PPHLN1: variants seen among roughly 807,000 people sequenced by gnomAD.
PPHLN1 encodes the protein periphilin 1.
Under a neutral mutation model 51.3 loss-of-function variants are expected in PPHLN1, and 29 were observed. That is an observed-to-expected ratio of 0.57 (90% CI 0.42 to 0.77). The LOEUF (loss-of-function observed/expected upper bound fraction) is 0.77, where lower values mean the gene tolerates loss of function less well. PPHLN1 is among the 30% of genes least tolerant of loss of function. PPHLN1 has a pLI of 0.00. For synonymous variants in PPHLN1, 147 were observed against 147.8 expected (o/e 0.99, Z 0.04); for missense variants, 436 against 438.4 (o/e 0.99, Z 0.05).
At chr12:42,439,788 G>A (rs1274724157) in intron 9 of PPHLN1, among the ~76,000 whole-genome samples, 2 of 152,210 alleles carry the variant, frequency 1.3e-5, no homozygotes, top group Non-Finnish European at 2.9e-5. Flanking sequence ...GCCTCCCAAA[G>A]TGCTGGGATT....
At chr12:42,397,552 CCTATGTCTTAGTTTTACATAT>C in intron 8 of PPHLN1, among the ~76,000 whole-genome samples, 2 of 129,506 alleles carry the variant, frequency 1.5e-5, no homozygotes, top group Non-Finnish European at 3.4e-5. Context: ...TGTGTATAGG[CCTATGTCTTAGTTTTACATAT>C]TGTGTATAGG....
chr12:42,444,889 C>G (rs566533745), downstream of PPHLN1: 1 of 579,470 alleles, frequency 1.7e-6, no homozygotes, highest in Non-Finnish European at 3.0e-6. Context: ...AATGGAAAAG[C>G]GGCTATCTGG....
chr12:42,413,643 C>A lies in PPHLN1; in HGVS notation c.909+14649C>A, dbSNP rs991993887. ...GTGGCGCCATCTCGGCTCACTGCAA[C>A]CTCCACCTCCTGGGTTTAAGTGATT... On this transcript the variant is annotated intron_variant, in intron 9 of 9. Coordinates refer to ENST00000358314, the MANE Select transcript of PPHLN1 (RefSeq NM_201439.2). Among the ~76,000 whole-genome samples the A allele has an allele frequency of 1.5e-4, 22 of 150,980 alleles. 1 individual carries two copies. Among genetic ancestry groups the A allele is most frequent in the Admixed American group, 1.4e-3 (21 of 15,134 alleles).
intron 4 of PPHLN1, among the ~76,000 whole-genome samples, chr12:42,372,177 C>G (rs998912988): frequency 5.9e-5 from 9 of 152,198 alleles, no homozygotes; most frequent in African/African-American, 2.2e-4. Flanking sequence ...ACCACTTTAT[C>G]AAAAAGGATA....
At position 42,383,983 on chromosome 12, in the gene PPHLN1, C is replaced by CAAAAAA. The variant is rs61016692; in HGVS notation, c.512-934_512-929dup. Among the ~76,000 whole-genome samples the CAAAAAA allele has an allele frequency of 8.1e-4, 42 of 51,646 alleles. 1 individual carries two copies. Among genetic ancestry groups the CAAAAAA allele is most frequent in the South Asian group, 2.4e-3 (2 of 846 alleles). 33.9% of individuals were successfully genotyped at this position (51,646 alleles called of 152,430 possible). On this transcript the variant is annotated intron_variant, in intron 5 of 9. Coordinates refer to ENST00000358314, the MANE Select transcript of PPHLN1 (RefSeq NM_201439.2). ...TGGGCAACAGAGTGAGACTGTGTCTCAAAAAAAAAAAAAAAAAAAAAAAAA... is the reference window on the plus strand; with the variant it reads ...TGGGCAACAGAGTGAGACTGTGTCTCAAAAAAAAAAAAAAAAAAAAAAAAAAAAAAA...
chr12:42,426,172 C>CCACACACACACACACACA (rs71084653), intron 9 of PPHLN1, among the ~76,000 whole-genome samples: 62 of 122,184 alleles, frequency 5.1e-4, no homozygotes, highest in Middle Eastern at 3.9e-3. Flanking sequence ...AGACTTGACA[C>CCACACACACACACACACA]CACACACACA....
chr12:42,417,688 G>A (rs2139631997), intron 9 of PPHLN1, among the ~76,000 whole-genome samples: 1 of 149,408 alleles, frequency 6.7e-6, no homozygotes, highest in African/African-American at 2.5e-5. Context: ...CCCTGATAAG[G>A]TGGTGAAGAT....
In PPHLN1 at chr12:42,397,543, GTGTATAGGCCTATGTCTTAGTTTTACATA is replaced by G. The variant is rs1565933262; in HGVS notation, c.769-1309_769-1281del. 2.9e-3 allele frequency among the ~76,000 whole-genome samples: 376 copies of G among 130,064 alleles called. 13 individuals carry two copies. In the East Asian group the frequency reaches 0.067, roughly 23 times the overall value. 85.3% of individuals were successfully genotyped at this position (130,064 alleles called of 152,430 possible). On this transcript the variant is annotated intron_variant, in intron 8 of 9. Coordinates refer to ENST00000358314, the MANE Select transcript of PPHLN1 (RefSeq NM_201439.2). Reference sequence around the variant, plus strand: ...TTCTTTGCTCACCAGTTTACACATTGTGTATAGGCCTATGTCTTAGTTTTACATATTGTGTATAGGCCTATGTCTTAGTT... The same window carrying G: ...TTCTTTGCTCACCAGTTTACACATTGTTGTGTATAGGCCTATGTCTTAGTT...
At chr12:42,383,665 C>G (rs902329596) in intron 5 of PPHLN1, among the ~76,000 whole-genome samples, 2 of 152,044 alleles carry the variant, frequency 1.3e-5, no homozygotes, top group Non-Finnish European at 2.9e-5. Flanking sequence ...CATCATGAGG[C>G]TCTGAGCAAT....
chr12:42,422,407 T>G (rs76925038), intron 9 of PPHLN1, among the ~76,000 whole-genome samples: 1 of 152,224 alleles, frequency 6.6e-6, no homozygotes, highest in Non-Finnish European at 1.5e-5. Context: ...CACATGGTAA[T>G]TTTCCATGAA....
intron 4 of PPHLN1, among the ~76,000 whole-genome samples, chr12:42,368,531 G>A (rs963436493): frequency 6.6e-6 from 1 of 152,072 alleles, no homozygotes; most frequent in Non-Finnish European, 1.5e-5. Flanking sequence ...ATTATAATAA[G>A]GTCAAAAGGC....
intron 6 of PPHLN1, among the ~76,000 whole-genome samples, chr12:42,386,234 A>G (rs1864960163): frequency 6.6e-6 from 1 of 152,204 alleles, no homozygotes; most frequent in African/African-American, 2.4e-5. Context: ...TCTACTAAAT[A>G]TATGCCAGTA....
intron 2 of PPHLN1, among the ~76,000 whole-genome samples, chr12:42,350,912 G>A (rs1199707098): frequency 6.6e-5 from 10 of 151,998 alleles, no homozygotes; most frequent in Admixed American, 4.6e-4. Flanking sequence ...CCGAGATCGC[G>A]GCAGTACAGT....
At chr12:42,392,122 T>C (rs111371609) in intron 7 of PPHLN1, among the ~76,000 whole-genome samples, 5,201 of 152,152 alleles carry the variant, frequency 0.034, 308 homozygotes, top group African/African-American at 0.12. Context: ...AGGCTGAGGT[T>C]GGGGAATCGC....
intron 5 of PPHLN1, among the ~76,000 whole-genome samples, chr12:42,377,223 G>C (rs891486715): frequency 3.3e-5 from 5 of 151,050 alleles, no homozygotes; most frequent in African/African-American, 1.2e-4. Flanking sequence ...CCTACTCTAA[G>C]CACTAATGAA....
chr12:42,352,676 G>T (rs2073524231), intron 3 of PPHLN1, among the ~76,000 whole-genome samples: 1 of 151,706 alleles, frequency 6.6e-6, no homozygotes, highest in Non-Finnish European at 1.5e-5. Flanking sequence ...CAAGTGGGAG[G>T]CCCACCTTGG....
In PPHLN1 at chr12:42,352,027, G is replaced by T; in HGVS notation, c.215G>T (p.Arg72Ile). Residue 72 changes from arginine to isoleucine, a missense_variant, in exon 3 of 10, where the codon AGA (arginine) becomes ATA (isoleucine). Physicochemically the swap from Arg to Ile is moderately conservative, Grantham distance 97. Transcript: ENST00000358314. ...DEGRSFSHDRRSGPPHRGDES... is the reference protein window; with the variant it reads ...DEGRSFSHDRISGPPHRGDES... ...GGCCGCAGTTTTTCTCATGATCGAA[G>T]AAGTGGTCCACCTCACAGAGGAGTA... 1 of 1,539,070 alleles carries T rather than the reference G, an allele frequency of 6.5e-7. No homozygotes were observed.
chr12:42,422,458 G>T (rs2081090008), intron 9 of PPHLN1, among the ~76,000 whole-genome samples: 1 of 152,152 alleles, frequency 6.6e-6, no homozygotes, highest in Non-Finnish European at 1.5e-5. Context: ...GTTTCTTTTG[G>T]CTCTTGTGCT....
intron 5 of PPHLN1, among the ~76,000 whole-genome samples, chr12:42,379,017 T>C (rs2076541661): frequency 6.6e-6 from 1 of 152,110 alleles, no homozygotes; most frequent in Non-Finnish European, 1.5e-5. Flanking sequence ...AAAATTGTTT[T>C]TTTTATATTT....
Sources: gnomAD v4.1 joint callset for allele counts (sites outside exome capture counted in the v4.1 genomes callset) on GRCh38, gnomAD v4.1.1 for gene constraint, MANE v1.5 for transcripts, NCBI Gene and HGNC (gene_info 2026-07-23, HGNC 2026-07-21) for gene names.